SLC24A2: variants seen among roughly 807,000 people sequenced by gnomAD.
SLC24A2 encodes solute carrier family 24 member 2.
In SLC24A2, 36 loss-of-function variants were observed where a neutral mutation model predicts 62.0. That is an observed-to-expected ratio of 0.58 (90% CI 0.44 to 0.77). The LOEUF (loss-of-function observed/expected upper bound fraction) is 0.77, where lower values mean the gene tolerates loss of function less well. SLC24A2 is among the 30% of genes least tolerant of loss of function. SLC24A2 has a pLI of 0.00. For missense variants in SLC24A2, 846 were observed against 817.9 expected (o/e 1.03, Z -0.42); for synonymous variants, 358 against 294.0 (o/e 1.22, Z -2.23).
chr9:19,539,395 G>A (rs1834142535), intron 8 of SLC24A2, among the ~76,000 whole-genome samples: 1 of 151,428 alleles, frequency 6.6e-6, no homozygotes, highest in Non-Finnish European at 1.5e-5. Context: ...AGAGATTCTG[G>A]TATGTGGTGT....
chr9:19,683,923 T>C (rs1193800193), intron 2 of SLC24A2, among the ~76,000 whole-genome samples: 1 of 152,096 alleles, frequency 6.6e-6, no homozygotes, highest in Non-Finnish European at 1.5e-5. Flanking sequence ...GTGTCTGGCT[T>C]TTCACCATCT....
chr9:19,551,446 C>A (rs1563957120), intron 7 of SLC24A2, among the ~76,000 whole-genome samples: 1 of 152,156 alleles, frequency 6.6e-6, no homozygotes, highest in African/African-American at 2.4e-5. Context: ...GTTAGCCTGT[C>A]AGCTGAGCCC....
chr9:19,842,282 C>G, the SLC24A2 span, among the ~76,000 whole-genome samples: 1 of 152,126 alleles, frequency 6.6e-6, no homozygotes, highest in Admixed American at 6.5e-5. Flanking sequence ...AAAAGAAATG[C>G]AGCACTGGGA....
At chr9:20,296,254 G>A in the SLC24A2 span, among the ~76,000 whole-genome samples, 1 of 152,166 alleles carries the variant, frequency 6.6e-6, no homozygotes, top group Admixed American at 6.5e-5. Context: ...TCAAAGATGT[G>A]AAAACAAATG....
chr9:20,167,304 T>G, the SLC24A2 span, among the ~76,000 whole-genome samples: 1 of 151,912 alleles, frequency 6.6e-6, no homozygotes, highest in Non-Finnish European at 1.5e-5. Context: ...GTAGCAATTC[T>G]GAAAAAATTT....
chr9:19,928,962 T>C, the SLC24A2 span: 1 of 152,230 alleles, frequency 6.6e-6, no homozygotes, highest in South Asian at 2.1e-4. Flanking sequence ...CTGACCACAC[T>C]GAGCTTTCAC....
At chr9:19,677,096 A>G (rs750508712) in intron 2 of SLC24A2, among the ~76,000 whole-genome samples, 1 of 152,216 alleles carries the variant, frequency 6.6e-6, no homozygotes, top group Admixed American at 6.5e-5. Context: ...ACCCAAAGCA[A>G]TATAAATCTT....
chr9:20,214,397 A>G, the SLC24A2 span, among the ~76,000 whole-genome samples: 1 of 152,118 alleles, frequency 6.6e-6, no homozygotes, highest in Admixed American at 6.5e-5. Flanking sequence ...GCGGATCACA[A>G]GGTCAGTAGA....
the SLC24A2 span, among the ~76,000 whole-genome samples, chr9:20,198,860 G>C: frequency 6.6e-6 from 1 of 152,252 alleles, no homozygotes; most frequent in African/African-American, 2.4e-5. Context: ...TTCTCAGAAA[G>C]AGGAGCAAAT....
At chr9:19,775,379 A>G (rs573053877) in intron 2 of SLC24A2, among the ~76,000 whole-genome samples, 5 of 152,234 alleles carry the variant, frequency 3.3e-5, no homozygotes, top group Non-Finnish European at 7.3e-5. Flanking sequence ...CAGCAAGCAT[A>G]TCATGCTGTG....
At chr9:19,668,851 T>A (rs1311840259) in intron 2 of SLC24A2, among the ~76,000 whole-genome samples, 1 of 152,198 alleles carries the variant, frequency 6.6e-6, no homozygotes, top group African/African-American at 2.4e-5. Flanking sequence ...AGATCAGGTC[T>A]TTTTCATTTT....
the SLC24A2 span, among the ~76,000 whole-genome samples, chr9:20,036,533 G>C: frequency 2.0e-5 from 3 of 152,046 alleles, no homozygotes; most frequent in Admixed American, 6.5e-5. Context: ...TCTGTTCTCT[G>C]CTTCTATGAG....
the SLC24A2 span, among the ~76,000 whole-genome samples, chr9:20,264,217 G>A: frequency 6.6e-6 from 1 of 152,174 alleles, no homozygotes; most frequent in Non-Finnish European, 1.5e-5. Context: ...CAACCTCTCT[G>A]CACCTCAGTT....
intron 5 of SLC24A2, among the ~76,000 whole-genome samples, chr9:19,587,962 G>T (rs1238510120): frequency 1.3e-5 from 2 of 152,106 alleles, no homozygotes; most frequent in African/African-American, 4.8e-5. Flanking sequence ...AGAATTCCTT[G>T]GTCCTGGTTT....
At chr9:20,127,860 G>T in the SLC24A2 span, among the ~76,000 whole-genome samples, 1 of 152,104 alleles carries the variant, frequency 6.6e-6, no homozygotes, top group Non-Finnish European at 1.5e-5. Flanking sequence ...TTAACTAGAG[G>T]AGAGACGGTC....
At chr9:19,987,055 T>G in the SLC24A2 span, among the ~76,000 whole-genome samples, 7 of 152,100 alleles carry the variant, frequency 4.6e-5, no homozygotes, top group East Asian at 1.2e-3. Context: ...AGAATGGTAA[T>G]AGACAGTGGA....
At chr9:20,238,633 T>A in the SLC24A2 span, among the ~76,000 whole-genome samples, 2 of 152,210 alleles carry the variant, frequency 1.3e-5, no homozygotes, top group Non-Finnish European at 2.9e-5. Context: ...ATTTTCTCCC[T>A]CTCTGGGCTG....
At chr9:19,848,727 T>C in the SLC24A2 span, among the ~76,000 whole-genome samples, 3 of 152,170 alleles carry the variant, frequency 2.0e-5, no homozygotes, top group Non-Finnish European at 1.5e-5. Context: ...GATAAAAAAA[T>C]GTAAAAACCT....
chr9:19,610,917 G>A (rs1837140895), intron 4 of SLC24A2, among the ~76,000 whole-genome samples: 1 of 152,236 alleles, frequency 6.6e-6, no homozygotes, highest in Non-Finnish European at 1.5e-5. Context: ...TAGGGATAGA[G>A]CCAAGCCTGC....
Sources: allele counts gnomAD v4.1 joint callset (sites outside exome capture counted in the v4.1 genomes callset), GRCh38; gene constraint gnomAD v4.1.1; transcripts MANE v1.5; gene names NCBI Gene and HGNC (gene_info 2026-07-23, HGNC 2026-07-21).